The following HSF2BP variants were observed in gnomAD, a reference collection of about 807,000 sequenced individuals.
HSF2BP encodes the protein heat shock transcription factor 2 binding protein.
In HSF2BP, 35 loss-of-function variants were observed where a neutral mutation model predicts 35.0. The ratio of observed to expected loss-of-function variants is 1.00; its 90% confidence interval spans 0.76 to 1.32. HSF2BP has a LOEUF of 1.32. Among genes scored for constraint, HSF2BP ranks in the 40% most tolerant of loss-of-function variants. The pLI is 0.00. For synonymous variants in HSF2BP, 114 were observed against 117.4 expected (o/e 0.97, Z 0.18); for missense variants, 326 against 321.7 (o/e 1.01, Z -0.10).
At chr21:43,621,978 A>C (rs1160810522) in intron 6 of HSF2BP, among the ~76,000 whole-genome samples, 3 of 152,218 alleles carry the variant, frequency 2.0e-5, no homozygotes. Flanking sequence ...AAAGACAGGT[A>C]ATATAAACAC....
intron 7 of HSF2BP, among the ~76,000 whole-genome samples, chr21:43,595,283 A>G (rs979286059): frequency 6.6e-6 from 1 of 152,176 alleles, no homozygotes; most frequent in African/African-American, 2.4e-5. Flanking sequence ...AGAAAGTTGA[A>G]AGTAAAAGAA....
At chr21:43,638,186 G>A (rs2082590316) in intron 4 of HSF2BP, among the ~76,000 whole-genome samples, 1 of 152,140 alleles carries the variant, frequency 6.6e-6, no homozygotes, top group Non-Finnish European at 1.5e-5. Flanking sequence ...GGGGCCGGGT[G>A]CGGTGGCTCA....
At chr21:43,622,837 C>T (rs933060460) in intron 6 of HSF2BP, among the ~76,000 whole-genome samples, 1 of 152,190 alleles carries the variant, frequency 6.6e-6, no homozygotes, top group African/African-American at 2.4e-5. Flanking sequence ...TGAATCTTTA[C>T]AGAACATTTC....
chr21:43,609,719 G>T (rs1286959339), intron 7 of HSF2BP, among the ~76,000 whole-genome samples: 1 of 152,142 alleles, frequency 6.6e-6, no homozygotes, highest in Non-Finnish European at 1.5e-5. Context: ...TTGGAGATGT[G>T]GTGAGACGGA....
At chr21:43,596,904 AAG>A (rs10628182) in intron 7 of HSF2BP, among the ~76,000 whole-genome samples, 1 of 136,016 alleles carries the variant, frequency 7.4e-6, no homozygotes, top group South Asian at 2.3e-4. Context: ...AAAAAAAAAA[AAG>A]AGAATTTTTT....
intron 5 of HSF2BP, 134 bp from the exon 6 acceptor site, chr21:43,630,588 C>G: frequency 1.7e-6 from 2 of 1,175,458 alleles, no homozygotes; most frequent in East Asian, 5.6e-5. Flanking sequence ...TTAAAAGTTC[C>G]CATTAAAAGA....
chr21:43,622,632 A>G (rs1396756346), intron 6 of HSF2BP, among the ~76,000 whole-genome samples: 1 of 152,236 alleles, frequency 6.6e-6, no homozygotes, highest in African/African-American at 2.4e-5. Context: ...ACAATTGTAA[A>G]TATCTATGCA....
chr21:43,655,906 G>C (rs553229020), intron 3 of HSF2BP, among the ~76,000 whole-genome samples: 21 of 152,334 alleles, frequency 1.4e-4, no homozygotes, highest in African/African-American at 4.8e-4. Context: ...AAGTGCTACA[G>C]CTACCTGGGC....
intron 7 of HSF2BP, among the ~76,000 whole-genome samples, chr21:43,610,168 C>CA (rs889862461): frequency 6.6e-6 from 1 of 152,100 alleles, no homozygotes; most frequent in African/African-American, 2.4e-5. Context: ...GCACAAGACA[C>CA]AGACAGGTGA....
In HSF2BP at chr21:43,582,492, G is replaced by A. The variant is rs371501207; in HGVS notation, c.796+9733C>T. On this transcript the variant is annotated intron_variant, in intron 8 of 8. Coordinates refer to ENST00000291560, the MANE Select transcript of HSF2BP (RefSeq NM_007031.2). ...GAGGGAGATGAAGGGCCTGCTGAGG[G>A]AGATGAAGGGCCTGCTGAGGGAGAT... 6.4e-5 allele frequency among the ~76,000 whole-genome samples: 9 copies of A among 141,624 alleles called. No individual in the cohort carries two copies. The East Asian group carries it at 1.8e-3, about 29-fold the overall frequency. 92.9% of individuals were successfully genotyped at this position (141,624 alleles called of 152,430 possible). A position where few individuals can be genotyped will look rare whatever the true frequency, so the allele number is the denominator to read the frequency against.
rs1021723089 is a variant in HSF2BP at position 43,577,869 on chromosome 21, C to T, written c.796+14356G>A. Among the ~76,000 whole-genome samples, 3 of 152,168 alleles carry T rather than the reference C, an allele frequency of 2.0e-5. No individual in the cohort carries two copies. The South Asian group carries it at 6.2e-4, about 32-fold the overall frequency. On this transcript the variant is annotated intron_variant, in intron 8 of 8. Transcript: ENST00000291560. ...CCCTCCCTGCCCTTGCGATAATGGACTCTGTGATATTCCCCTGCCCTTAAG... is the reference window on the plus strand; with the variant it reads ...CCCTCCCTGCCCTTGCGATAATGGATTCTGTGATATTCCCCTGCCCTTAAG...
intron 8 of HSF2BP, among the ~76,000 whole-genome samples, chr21:43,578,529 A>G (rs563803074): frequency 6.6e-6 from 1 of 152,330 alleles, no homozygotes; most frequent in African/African-American, 2.4e-5. Context: ...CATTCTACAC[A>G]GACACAACCA....
chr21:43,611,872 G>T lies in HSF2BP; in HGVS notation c.692+1958C>A, dbSNP rs539483366. ...AAAAAGGCAGTCCCAGGTAACTAAA[G>T]TGTACCCAGAGAGTTAACAGCTCAG... On this transcript the variant is annotated intron_variant, in intron 7 of 8. Coordinates refer to ENST00000291560, the MANE Select transcript of HSF2BP (RefSeq NM_007031.2). Among the ~76,000 whole-genome samples, 3 of 152,328 alleles carry T rather than the reference G, an allele frequency of 2.0e-5. No homozygotes were observed. In the South Asian group the frequency reaches 6.2e-4, roughly 32 times the overall value.
chr21:43,585,492 G>T (rs370400347), intron 8 of HSF2BP, among the ~76,000 whole-genome samples: 50 of 152,016 alleles, frequency 3.3e-4, no homozygotes, highest in African/African-American at 1.1e-3. Context: ...AACTGGGTGG[G>T]AAAATTAGCT....
At chr21:43,650,386 T>C (rs867548474) in intron 3 of HSF2BP, among the ~76,000 whole-genome samples, 6 of 152,050 alleles carry the variant, frequency 3.9e-5, no homozygotes, top group Non-Finnish European at 8.8e-5. Flanking sequence ...TTTGTATTTT[T>C]AGTAGATACA....
At position 43,644,330 on chromosome 21, in the gene HSF2BP, G is replaced by A. The variant is rs80027854; in HGVS notation, c.250C>T (p.Arg84Cys). The change falls in exon 4 of 9, where the codon CGC (arginine) becomes TGC (cysteine). Residue 84 changes from arginine (R) to cysteine (C), a missense_variant. Coordinates refer to ENST00000291560, the MANE Select transcript of HSF2BP (RefSeq NM_007031.2). The part of the protein sequence containing the change: ...LKMDCEHFKA[R>C]LETVQADNIR... ...TTGTCGGCCTGCACGGTTTCCAGGC[G>A]GGCTTTAAAGTGCTCACAATCCATT... The A allele has an allele frequency of 3.7e-4, 602 of 1,614,060 alleles. No homozygotes were observed. The highest frequency in any genetic ancestry group is 4.9e-4 in the Non-Finnish European group (576 of 1,179,956).
Position 43,629,521 on chromosome 21 carries a change from C to T in HSF2BP, c.574+801G>A, listed in dbSNP as rs191274916. On this transcript the variant is annotated intron_variant, in intron 6 of 8. Transcript: ENST00000291560. ...TGGAGGCTGCAGTGAGCCGAGATCA[C>T]GCCGTTGCACTCCAGCCTGGGCAAC... 4.6e-3 allele frequency among the ~76,000 whole-genome samples: 693 copies of T among 152,294 alleles called. 8 individuals are homozygous for T. Among genetic ancestry groups the T allele is most frequent in the African/African-American group, 0.016 (654 of 41,556 alleles).
At chr21:43,601,896 A>G (rs554203517) in intron 7 of HSF2BP, among the ~76,000 whole-genome samples, 18 of 152,346 alleles carry the variant, frequency 1.2e-4, no homozygotes, top group Admixed American at 9.8e-4. Context: ...CCTAATGATA[A>G]CTTTCCTATC....
chr21:43,641,379 T>C (rs560444882), intron 4 of HSF2BP, among the ~76,000 whole-genome samples: 13 of 152,256 alleles, frequency 8.5e-5, no homozygotes, highest in Middle Eastern at 3.4e-3. Context: ...CTGCCAGGAC[T>C]CTTTCCTGGC....
Sources: allele counts gnomAD v4.1 joint callset (sites outside exome capture counted in the v4.1 genomes callset), GRCh38; gene constraint gnomAD v4.1.1; transcripts MANE v1.5; gene names NCBI Gene and HGNC (gene_info 2026-07-23, HGNC 2026-07-21).